The following KAZN variants were observed in gnomAD, a reference collection of about 807,000 sequenced individuals.
KAZN encodes kazrin, periplakin interacting protein.
A neutral mutation model predicts 87.4 loss-of-function variants in KAZN; 40 were observed. The observed-to-expected ratio is 0.46, with a 90% confidence interval of 0.36 to 0.60. The LOEUF (loss-of-function observed/expected upper bound fraction) is 0.60. KAZN is among the 20% of genes least tolerant of loss of function. The pLI is 0.00. For missense variants in KAZN, 898 were observed against 1,073.9 expected, an observed-to-expected ratio of 0.84 and a Z score of 2.29; for synonymous variants, 466 against 458.3, an observed-to-expected ratio of 1.02 and a Z score of -0.22.
chr1:14,360,000 A>G (rs995471468), intron 2 of KAZN, among the ~76,000 whole-genome samples: 5 of 152,112 alleles, frequency 3.3e-5, no homozygotes, highest in African/African-American at 1.2e-4. Flanking sequence ...TAGGTTGGGG[A>G]AGTTCTCCTG....
chr1:14,905,089 C>T (rs1003729858), intron 1 of KAZN, among the ~76,000 whole-genome samples: 1 of 152,104 alleles, frequency 6.6e-6, no homozygotes, highest in Non-Finnish European at 1.5e-5. Context: ...GACAGAGTCT[C>T]GCTCCTTCGC....
intron 1 of KAZN, among the ~76,000 whole-genome samples, chr1:14,085,087 T>G (rs1257996750): frequency 6.6e-6 from 1 of 152,162 alleles, no homozygotes; most frequent in Non-Finnish European, 1.5e-5. Flanking sequence ...TCCCAATACT[T>G]TCAGTGTGCT....
intron 1 of KAZN, among the ~76,000 whole-genome samples, chr1:14,934,544 G>A (rs963454248): frequency 1.3e-5 from 2 of 152,202 alleles, no homozygotes; most frequent in East Asian, 3.9e-4. Context: ...TAAGCCCCAG[G>A]ACCACTCCTT....
At position 14,762,734 on chromosome 1, in the gene KAZN, AAAAG is replaced by A. The variant is rs1356975479; in HGVS notation, c.226+163518_226+163521del. 2.6e-4 allele frequency among the ~76,000 whole-genome samples: 39 copies of A among 152,032 alleles called. 1 individual carries two copies. The highest frequency in any genetic ancestry group is 1.9e-3 in the South Asian group (9 of 4,808). The stretch of plus-strand genomic sequence containing the variant: ...AGCAAGACTCTGTCTCAAAAAAAAA[AAAAG>A]AAAGAAGAAGAGAAGCAACTAAGTT... On this transcript the variant is annotated intron_variant, in intron 1 of 14. Transcript: ENST00000376030.
chr1:14,993,425 C>T (rs1219856520), intron 2 of KAZN, among the ~76,000 whole-genome samples: 2 of 151,716 alleles, frequency 1.3e-5, no homozygotes, highest in African/African-American at 2.4e-5. Context: ...GCCAAGATCA[C>T]GCCATTGCAC....
intron 2 of KAZN, among the ~76,000 whole-genome samples, chr1:14,988,834 G>A (rs976799344): frequency 2.0e-5 from 3 of 152,184 alleles, no homozygotes; most frequent in Admixed American, 2.0e-4. Flanking sequence ...AAAACCAGCT[G>A]CAGGCCACGG....
intron 1 of KAZN, among the ~76,000 whole-genome samples, chr1:14,069,448 G>A (rs1043585854): frequency 6.6e-5 from 10 of 152,172 alleles, no homozygotes; most frequent in Non-Finnish European, 1.3e-4. Flanking sequence ...TTTCACTCAA[G>A]CTATAAAAGT....
At chr1:14,587,058 CAGA>C (rs1675895519) in intron 2 of KAZN, among the ~76,000 whole-genome samples, 1 of 152,134 alleles carries the variant, frequency 6.6e-6, no homozygotes, top group Non-Finnish European at 1.5e-5. Flanking sequence ...ATCCCTGAAG[CAGA>C]AGATTAATAA....
intron 2 of KAZN, among the ~76,000 whole-genome samples, chr1:15,013,732 C>T (rs1669812520): frequency 6.7e-6 from 1 of 148,424 alleles, no homozygotes; most frequent in African/African-American, 2.5e-5. Context: ...CCAACCTGGG[C>T]GAAAGAGCAA....
chr1:14,674,772 A>G (rs965482584), intron 1 of KAZN, among the ~76,000 whole-genome samples: 2 of 152,062 alleles, frequency 1.3e-5, no homozygotes, highest in African/African-American at 2.4e-5. Flanking sequence ...ATGCAATTTT[A>G]TCTTGTTTTC....
chr1:14,808,161 A>C (rs1646282359), intron 1 of KAZN, among the ~76,000 whole-genome samples: 1 of 152,198 alleles, frequency 6.6e-6, no homozygotes, highest in South Asian at 2.1e-4. Flanking sequence ...TGTGAGCATG[A>C]AATTGCTGTG....
chr1:14,916,046 C>T (rs2101438009), intron 1 of KAZN, among the ~76,000 whole-genome samples: 1 of 152,216 alleles, frequency 6.6e-6, no homozygotes, highest in Non-Finnish European at 1.5e-5. Context: ...AGTACACTTA[C>T]CTCTCTGGGT....
chr1:14,420,466 G>A (rs11580939), intron 2 of KAZN, among the ~76,000 whole-genome samples: 42,648 of 152,100 alleles, frequency 0.28, 6,979 homozygotes, highest in Non-Finnish European at 0.38. Flanking sequence ...GGAGCTGCCC[G>A]CAAGTCCCGC....
intron 1 of KAZN, among the ~76,000 whole-genome samples, chr1:14,771,863 G>T (rs1645028449): frequency 6.6e-6 from 1 of 151,994 alleles, no homozygotes; most frequent in Admixed American, 6.6e-5. Flanking sequence ...CTAATAAAGG[G>T]GTAGAAATAC....
intron 2 of KAZN, among the ~76,000 whole-genome samples, chr1:14,549,521 A>C (rs570951283): frequency 3.9e-5 from 6 of 152,108 alleles, no homozygotes; most frequent in Admixed American, 1.3e-4. Flanking sequence ...CTTTGTGTTC[A>C]TGTCTCATCC....
chr1:14,093,338 T>C (rs1644051633), intron 1 of KAZN, among the ~76,000 whole-genome samples: 1 of 152,236 alleles, frequency 6.6e-6, no homozygotes, highest in Non-Finnish European at 1.5e-5. Context: ...CTGTGCTATC[T>C]TACTCCGTTT....
chr1:14,499,675 A>G (rs898248736), intron 2 of KAZN, among the ~76,000 whole-genome samples: 12 of 152,318 alleles, frequency 7.9e-5, no homozygotes, highest in Non-Finnish European at 1.5e-4. Flanking sequence ...ATTTCATATG[A>G]AGATGCTGAG....
intron 2 of KAZN, among the ~76,000 whole-genome samples, chr1:14,461,612 A>G (rs989135723): frequency 1.3e-5 from 2 of 152,172 alleles, no homozygotes; most frequent in African/African-American, 4.8e-5. Flanking sequence ...AGATAATTAG[A>G]ATTTAAGTGC....
At chr1:14,425,472 C>T (rs1424566476) in intron 2 of KAZN, among the ~76,000 whole-genome samples, 1 of 152,170 alleles carries the variant, frequency 6.6e-6, no homozygotes, top group Non-Finnish European at 1.5e-5. Context: ...CCTCACATGT[C>T]CCAGCTGGGG....
Sources: allele counts gnomAD v4.1 joint callset (sites outside exome capture counted in the v4.1 genomes callset), GRCh38; gene constraint gnomAD v4.1.1; transcripts MANE v1.5; gene names NCBI Gene and HGNC (gene_info 2026-07-23, HGNC 2026-07-21).